Variants in STAT4 observed in about 807,000 individuals in gnomAD.
The protein encoded by STAT4 is signal transducer and activator of transcription 4.
In STAT4, 42 loss-of-function variants were observed where a neutral mutation model predicts 110.5. That is an observed-to-expected ratio of 0.38 (90% CI 0.30 to 0.49). The LOEUF is 0.49. STAT4 is among the 20% of genes least tolerant of loss of function. The pLI, the probability that STAT4 is intolerant of heterozygous loss-of-function variation, is 0.95. For synonymous variants in STAT4, 284 were observed against 302.2 expected, an observed-to-expected ratio of 0.94 and a Z score of 0.63; for missense variants, 632 against 887.9, an observed-to-expected ratio of 0.71 and a Z score of 3.66.
chr2:191,034,847 A>G (rs1359687564), intron 17 of STAT4, among the ~76,000 whole-genome samples: 1 of 152,214 alleles, frequency 6.6e-6, no homozygotes, highest in Non-Finnish European at 1.5e-5. Context: ...GTGGGTATCT[A>G]GGATATGTAT....
At position 191,060,246 on chromosome 2, in the gene STAT4, T is replaced by G. The variant is rs1450360122; in HGVS notation, c.1035-1477A>C. On this transcript the variant is annotated intron_variant, in intron 10 of 23. Coordinates refer to ENST00000392320, the MANE Select transcript of STAT4 (RefSeq NM_003151.4). This position sits in a 1 kb window ranked among gnomAD's most constrained non-coding sequence, Gnocchi z 4.5. ...GGCAATCCCTACTCATCTCCCCTTT[T>G]GTCCCAGAGAGCATCTTAGACTTAC... Among the ~76,000 whole-genome samples the G allele has an allele frequency of 6.6e-6, 1 of 152,198 alleles. No homozygotes were observed. Among genetic ancestry groups the G allele is most frequent in the South Asian group, 2.1e-4 (1 of 4,836 alleles).
intron 3 of STAT4, among the ~76,000 whole-genome samples, chr2:191,123,878 T>A (rs1040429141): frequency 2.0e-5 from 3 of 152,210 alleles, no homozygotes; most frequent in African/African-American, 7.2e-5. Context: ...GAAGTATGGT[T>A]CCTACTGGGT....
In STAT4 at chr2:191,140,821, A is replaced by C. The variant is rs1250264200; in HGVS notation, c.273+5792T>G. Among the ~76,000 whole-genome samples, 2 of 152,244 alleles carry C rather than the reference A, an allele frequency of 1.3e-5. No individual in the cohort carries two copies. Among genetic ancestry groups the C allele is most frequent in the Non-Finnish European group, 2.9e-5 (2 of 68,044 alleles). On this transcript the variant is annotated intron_variant, in intron 3 of 23. Transcript: ENST00000392320. The surrounding 1 kb of genome is among the most constrained non-coding windows in gnomAD (Gnocchi z 4.4). ...ATAGCAGTACAATTCACAATTGCAA[A>C]GATAAGGAACCAACCTAAGTGTCCA...
chr2:191,085,555 A>T (rs1697613999), intron 3 of STAT4, among the ~76,000 whole-genome samples: 1 of 152,126 alleles, frequency 6.6e-6, no homozygotes, highest in South Asian at 2.1e-4. Context: ...GTTGAAAGCC[A>T]CAGAAATAAC....
In STAT4 at chr2:191,061,128, C is replaced by T. The variant is rs1574719108; in HGVS notation, c.1034+601G>A. 6.6e-6 allele frequency among the ~76,000 whole-genome samples: 1 copy of T among 152,156 alleles called. No individual in the cohort carries two copies. The highest frequency in any genetic ancestry group is 1.5e-5 in the Non-Finnish European group (1 of 68,026). On this transcript the variant is annotated intron_variant, in intron 10 of 23. Coordinates refer to ENST00000392320, the MANE Select transcript of STAT4 (RefSeq NM_003151.4). The surrounding 1 kb of genome is among the most constrained non-coding windows in gnomAD (Gnocchi z 6.2). ...GCTAATGCTAATAGGATCAAATTCACAGAGAAAGCAACAATAACACAAAAG... is the reference window on the plus strand; with the variant it reads ...GCTAATGCTAATAGGATCAAATTCATAGAGAAAGCAACAATAACACAAAAG...
At position 191,030,881 on chromosome 2, in the gene STAT4, C is replaced by T. The variant is rs3024903; in HGVS notation, c.2220+91G>A. 0.11 allele frequency: 130,242 copies of T among 1,166,306 alleles called. 7,843 individuals are homozygous for T. The highest frequency in any genetic ancestry group is 0.18 in the East Asian group (7,654 of 42,346). 72.2% of individuals were successfully genotyped at this position (1,166,306 alleles called of 1,614,324 possible). A position where few individuals can be genotyped will look rare whatever the true frequency, so the allele number is the denominator to read the frequency against. ...TCCAATAAATGTGTTTTCTCCCTAC[C>T]CAGGCAGTATTTCAGCCCCTTTGAT... On this transcript the variant is annotated intron_variant, in intron 23 of 23. Coordinates refer to ENST00000392320, the MANE Select transcript of STAT4 (RefSeq NM_003151.4). This position sits in a 1 kb window ranked among gnomAD's most constrained non-coding sequence, Gnocchi z 4.4.
At chr2:191,102,917 C>T (rs1698182112) in intron 3 of STAT4, among the ~76,000 whole-genome samples, 1 of 152,148 alleles carries the variant, frequency 6.6e-6, no homozygotes, top group Admixed American at 6.6e-5. Context: ...ACATGATGTG[C>T]TTTAACTGTG....
At chr2:191,081,889 TTTAA>T (rs1252459871) in intron 3 of STAT4, among the ~76,000 whole-genome samples, 15 of 152,306 alleles carry the variant, frequency 9.8e-5, no homozygotes, top group African/African-American at 3.1e-4. Flanking sequence ...GCATTACCTC[TTTAA>T]TTAAACACAT....
upstream of STAT4, chr2:191,151,534 G>T: frequency 1.0e-6 from 1 of 985,586 alleles, no homozygotes; most frequent in Non-Finnish European, 1.2e-6. The surrounding 1 kb of genome is among the most constrained non-coding windows in gnomAD (Gnocchi z 4.7). Context: ...TCCTGGGTAG[G>T]CCACCAGTGC....
At position 191,066,588 on chromosome 2, in the gene STAT4, C is replaced by T. The variant is rs1696992699; in HGVS notation, c.545-73G>A. 2 of 1,395,368 alleles carry T rather than the reference C, an allele frequency of 1.4e-6. No homozygotes were observed. The highest frequency in any genetic ancestry group is 2.8e-5 in the African/African-American group (2 of 70,242). The allele number at this position is 1,395,368 out of a possible 1,614,324, so 86.4% of individuals were successfully genotyped here. A position where few individuals can be genotyped will look rare whatever the true frequency, so the allele number is the denominator to read the frequency against. On this transcript the variant is annotated intron_variant, in intron 6 of 23. Transcript: ENST00000392320. This position sits in a 1 kb window ranked among gnomAD's most constrained non-coding sequence, Gnocchi z 4.3. ...GTCAAGTCAGCCTCAATCCACCATC[C>T]TAAAACAGCCCTGGCCCGGAGAACT... is the stretch of plus-strand genomic sequence containing the variant.
intron 3 of STAT4, among the ~76,000 whole-genome samples, chr2:191,096,161 G>A (rs11147470): frequency 5.3e-5 from 8 of 152,116 alleles, no homozygotes; most frequent in African/African-American, 9.6e-5. Flanking sequence ...CAGGACCAGA[G>A]GGATTCATAG....
Position 191,062,636 on chromosome 2 carries a change from A to G in STAT4, c.941+126T>C. ...GGTTTCTAAAACTTTCTGGGGTTCT[A>G]TTCACTTCTCCCTGAGGCTCGTTGT... On this transcript the variant is annotated intron_variant, in intron 9 of 23. Transcript: ENST00000392320. This position sits in a 1 kb window ranked among gnomAD's most constrained non-coding sequence, Gnocchi z 4.9. The G allele has an allele frequency of 9.9e-7, 1 of 1,010,948 alleles. No individual in the cohort carries two copies. The highest frequency in any genetic ancestry group is 1.5e-6 in the Non-Finnish European group (1 of 687,772). 62.6% of individuals were successfully genotyped at this position (1,010,948 alleles called of 1,614,324 possible).
At position 191,112,560 on chromosome 2, in the gene STAT4, T is replaced by C. The variant is rs903889576; in HGVS notation, c.273+34053A>G. Among the ~76,000 whole-genome samples the C allele has an allele frequency of 2.0e-5, 3 of 152,232 alleles. No individual in the cohort carries two copies. The highest frequency in any genetic ancestry group is 7.2e-5 in the African/African-American group (3 of 41,458). On this transcript the variant is annotated intron_variant, in intron 3 of 23. Transcript: ENST00000392320. The surrounding 1 kb of genome is among the most constrained non-coding windows in gnomAD (Gnocchi z 4.3). Reference sequence around the variant, plus strand: ...AACATGCCCTGTGGCACAATCTATATGTAGTATAGGATAGTGATGAAACCA... The same window carrying C: ...AACATGCCCTGTGGCACAATCTATACGTAGTATAGGATAGTGATGAAACCA...
At position 191,116,416 on chromosome 2, in the gene STAT4, G is replaced by A. The variant is rs1698573450; in HGVS notation, c.273+30197C>T. Among the ~76,000 whole-genome samples the A allele has an allele frequency of 6.6e-6, 1 of 152,152 alleles. No homozygotes were observed. The highest frequency in any genetic ancestry group is 6.5e-5 in the Admixed American group (1 of 15,278). On this transcript the variant is annotated intron_variant, in intron 3 of 23. Transcript: ENST00000392320. This position sits in a 1 kb window ranked among gnomAD's most constrained non-coding sequence, Gnocchi z 4.1. Reference sequence around the variant, plus strand: ...CCTAGTTATAATAAAATAGCCCAAGGAAAGTTGAGAAATGCTAATTCAAGT... The same window carrying A: ...CCTAGTTATAATAAAATAGCCCAAGAAAAGTTGAGAAATGCTAATTCAAGT...
intron 13 of STAT4, among the ~76,000 whole-genome samples, chr2:191,055,919 T>C (rs1458840160): frequency 3.3e-5 from 5 of 152,200 alleles, no homozygotes; most frequent in Admixed American, 3.3e-4. Flanking sequence ...TGGCCCCTTG[T>C]TGAAAGTTCC....
chr2:191,090,984 C>A lies in STAT4; in HGVS notation c.274-14659G>T, dbSNP rs1034472661. 6.6e-6 allele frequency among the ~76,000 whole-genome samples: 1 copy of A among 152,180 alleles called. No individual in the cohort carries two copies. Among genetic ancestry groups the A allele is most frequent in the Non-Finnish European group, 1.5e-5 (1 of 68,038 alleles). Reference sequence around the variant, plus strand: ...CTATGTCTACGAAGACTTAACCCTTCTAGACAATCACTCTGAAAAGCAGCT... The same window carrying A: ...CTATGTCTACGAAGACTTAACCCTTATAGACAATCACTCTGAAAAGCAGCT... On this transcript the variant is annotated intron_variant, in intron 3 of 23. Transcript: ENST00000392320. This position sits in a 1 kb window ranked among gnomAD's most constrained non-coding sequence, Gnocchi z 4.2.
rs1699173501 is a variant in STAT4, at chr2:191,136,024, C to CAAAAAAAAAA, written c.273+10588_273+10589insTTTTTTTTTT. Among the ~76,000 whole-genome samples the CAAAAAAAAAA allele has an allele frequency of 6.9e-4, 30 of 43,766 alleles. 2 individuals carry two copies. The highest frequency in any genetic ancestry group is 1.6e-3 in the African/African-American group (25 of 15,540). 28.7% of individuals were successfully genotyped at this position (43,766 alleles called of 152,430 possible). ...ATCTCAGAAAAAAAAAAAAAAAAACCAAAAAACAAAAAACCAATGTGATCA... is the reference window on the plus strand; with the variant it reads ...ATCTCAGAAAAAAAAAAAAAAAAACCAAAAAAAAAAAAAAAACAAAAAACCAATGTGATCA... On this transcript the variant is annotated intron_variant, in intron 3 of 23. Transcript: ENST00000392320.
Position 191,110,304 on chromosome 2 carries a change from T to C in STAT4, c.274-33979A>G, listed in dbSNP as rs921568225. ...GCTCTGTGATCGGTGTTGGGAGGCA[T>C]ATGAAAGTTCCCAGGGAGGCTAAAG... On this transcript the variant is annotated intron_variant, in intron 3 of 23. Coordinates refer to ENST00000392320, the MANE Select transcript of STAT4 (RefSeq NM_003151.4). This position sits in a 1 kb window ranked among gnomAD's most constrained non-coding sequence, Gnocchi z 4.5. 9.9e-5 allele frequency among the ~76,000 whole-genome samples: 15 copies of C among 152,150 alleles called. No individual in the cohort carries two copies. Among genetic ancestry groups the C allele is most frequent in the African/African-American group, 3.4e-4 (14 of 41,426 alleles).
At chr2:191,054,352 A>G in intron 14 of STAT4, 138 bp downstream of exon 14, 1 of 694,698 alleles carries the variant, frequency 1.4e-6, no homozygotes, top group South Asian at 2.2e-5. Context: ...ATTGTCTGCA[A>G]TTATCAAGCT....
Sources: allele counts gnomAD v4.1 joint callset (sites outside exome capture counted in the v4.1 genomes callset), GRCh38; gene constraint gnomAD v4.1.1; non-coding constraint Gnocchi (gnomAD v3.1); transcripts MANE v1.5; gene names NCBI Gene and HGNC (gene_info 2026-07-23, HGNC 2026-07-21).